WWP1: variants seen among roughly 807,000 people sequenced by gnomAD.
The protein encoded by WWP1 is NEDD4-like E3 ubiquitin-protein ligase WWP1.
A neutral mutation model predicts 130.6 loss-of-function variants in WWP1; 49 were observed. That is an observed-to-expected ratio of 0.38 (90% confidence interval 0.30 to 0.48). The LOEUF is 0.48. WWP1 is among the 20% of genes least tolerant of loss of function. WWP1 has a pLI of 0.99. For synonymous variants in WWP1, 332 were observed against 367.8 expected, an observed-to-expected ratio of 0.90 and a Z score of 1.11; for missense variants, 809 against 1,100.6, an observed-to-expected ratio of 0.74 and a Z score of 3.75.
At chr8:86,400,823 G>C (rs1807934155) in intron 7 of WWP1, among the ~76,000 whole-genome samples, 1 of 152,154 alleles carries the variant, frequency 6.6e-6, no homozygotes, top group African/African-American at 2.4e-5. Flanking sequence ...AGAGAAGATG[G>C]GATAAAGGTG....
intron 18 of WWP1, among the ~76,000 whole-genome samples, chr8:86,445,215 G>A (rs897306469): frequency 6.6e-6 from 1 of 152,130 alleles, no homozygotes; most frequent in Non-Finnish European, 1.5e-5. Flanking sequence ...AGAATCAGGG[G>A]TACATGTGCA....
intron 9 of WWP1, among the ~76,000 whole-genome samples, chr8:86,421,511 G>GA (rs55665368): frequency 0.024 from 3,583 of 151,488 alleles, 146 homozygotes; most frequent in African/African-American, 0.081. Flanking sequence ...TTTTGGGGGG[G>GA]TTCTCCCAGA....
chr8:86,466,744 T>C (rs759037149), intron 24 of WWP1, 50 bp from the exon 25 acceptor site: 3 of 1,271,620 alleles, frequency 2.4e-6, no homozygotes, highest in Non-Finnish European at 3.3e-6. Flanking sequence ...TTCTATTAGA[T>C]TTTTTTCATT....
intron 5 of WWP1, among the ~76,000 whole-genome samples, chr8:86,390,640 G>A (rs1052831107): frequency 9.9e-5 from 15 of 152,026 alleles, no homozygotes; most frequent in African/African-American, 2.2e-4. Context: ...CCGAGATGGC[G>A]GCAGCACAGT....
chr8:86,462,971 A>T (rs1036371783), intron 24 of WWP1, among the ~76,000 whole-genome samples: 4 of 152,280 alleles, frequency 2.6e-5, no homozygotes, highest in African/African-American at 9.6e-5. Flanking sequence ...GCTTGAGTAT[A>T]TGTTTTTTTA....
chr8:86,380,674 C>CAT, intron 3 of WWP1, 52 bp from the exon 4 acceptor site: 1 of 1,537,022 alleles, frequency 6.5e-7, no homozygotes. Context: ...GATTAGTGTG[C>CAT]AGTACTACTT....
Position 86,347,017 on chromosome 8 carries a change from T to C in WWP1, c.-115+4087T>C, listed in dbSNP as rs562971521. 4.9e-4 allele frequency among the ~76,000 whole-genome samples: 74 copies of C among 152,228 alleles called. 1 individual carries two copies. Among genetic ancestry groups the C allele is most frequent in the African/African-American group, 1.7e-3 (72 of 41,538 alleles). On this transcript the variant is annotated intron_variant, in intron 1 of 24. Transcript: ENST00000517970. Reference sequence around the variant, plus strand: ...ATATTTTATTTTATTTTATTTTATTTATTTATTTTTGAGACAGGGTCTTGC... The same window carrying C: ...ATATTTTATTTTATTTTATTTTATTCATTTATTTTTGAGACAGGGTCTTGC...
chr8:86,365,473 A>G (rs1823918222), intron 1 of WWP1, among the ~76,000 whole-genome samples: 1 of 152,186 alleles, frequency 6.6e-6, no homozygotes, highest in Non-Finnish European at 1.5e-5. Flanking sequence ...GTACCTGTAG[A>G]TTCCATGTTT....
Position 86,440,437 on chromosome 8 carries a change from T to C in WWP1, c.1838+1764T>C, listed in dbSNP as rs1037835914. Among the ~76,000 whole-genome samples the C allele has an allele frequency of 5.9e-5, 9 of 152,208 alleles. No individual in the cohort carries two copies. The East Asian group carries it at 1.7e-3, about 29-fold the overall frequency. On this transcript the variant is annotated intron_variant, in intron 17 of 24. Coordinates refer to ENST00000517970, the MANE Select transcript of WWP1 (RefSeq NM_007013.4). ...ATATAAACAACAATTTCACTAGATA[T>C]AAATTTCTCGCACACTTGTTTTTCC...
intron 9 of WWP1, among the ~76,000 whole-genome samples, chr8:86,415,763 GCTT>G (rs1259247991): frequency 2.0e-5 from 3 of 152,100 alleles, no homozygotes; most frequent in Non-Finnish European, 2.9e-5. Flanking sequence ...TTTTGAGTAG[GCTT>G]CTTCTAATCA....
chr8:86,419,004 C>G (rs553901780), intron 9 of WWP1, among the ~76,000 whole-genome samples: 4 of 152,066 alleles, frequency 2.6e-5, no homozygotes, highest in African/African-American at 9.7e-5. Flanking sequence ...ATCCACAAGC[C>G]CCACCCAGGC....
chr8:86,398,682 C>A, intron 7 of WWP1, 44 bp downstream of exon 7: 1 of 1,587,802 alleles, frequency 6.3e-7, no homozygotes, highest in Non-Finnish European at 8.6e-7. Flanking sequence ...TGATGTGGAA[C>A]ATATTTCCTG....
At chr8:86,364,597 G>A (rs1823850163) in intron 1 of WWP1, among the ~76,000 whole-genome samples, 1 of 152,068 alleles carries the variant, frequency 6.6e-6, no homozygotes, top group Non-Finnish European at 1.5e-5. Flanking sequence ...CTTGAGCTAA[G>A]GAGTTCTGGA....
chr8:86,377,773 A>C (rs1824754450), intron 3 of WWP1, among the ~76,000 whole-genome samples: 1 of 152,206 alleles, frequency 6.6e-6, no homozygotes, highest in Admixed American at 6.5e-5. Flanking sequence ...TAGAGTATGC[A>C]AGATGTATAA....
chr8:86,409,574 A>C (rs908542551), intron 8 of WWP1, among the ~76,000 whole-genome samples: 2 of 150,892 alleles, frequency 1.3e-5, no homozygotes, highest in African/African-American at 4.9e-5. Flanking sequence ...AAGTTCTTAC[A>C]ATAGGCTGGG....
At chr8:86,443,824 G>C (rs1400757299) in intron 18 of WWP1, among the ~76,000 whole-genome samples, 1 of 152,130 alleles carries the variant, frequency 6.6e-6, no homozygotes, top group Non-Finnish European at 1.5e-5. Context: ...GCAAGACAAA[G>C]GCTCTAATGT....
intron 21 of WWP1, 115 bp from the exon 22 acceptor site, chr8:86,457,806 C>A (rs1447288065): frequency 3.7e-6 from 3 of 806,792 alleles, no homozygotes; most frequent in Non-Finnish European, 6.0e-6. Context: ...ATATGCCATG[C>A]ATATAGCTTT....
chr8:86,459,023 CTTTTTT>C (rs71275853), intron 22 of WWP1, among the ~76,000 whole-genome samples: 118 of 84,272 alleles, frequency 1.4e-3, no homozygotes, highest in African/African-American at 6.1e-3. Flanking sequence ...TTTCTTTTTT[CTTTTTT>C]TTTTTTTTTT....
At chr8:86,412,350 ATC>A (rs1421093611) in intron 9 of WWP1, among the ~76,000 whole-genome samples, 2 of 152,128 alleles carry the variant, frequency 1.3e-5, no homozygotes, top group Non-Finnish European at 2.9e-5. Flanking sequence ...GTAATTCTTA[ATC>A]TCTTTTAAGT....
Sources: allele counts gnomAD v4.1 joint callset (sites outside exome capture counted in the v4.1 genomes callset), GRCh38; gene constraint gnomAD v4.1.1; transcripts MANE v1.5; gene names NCBI Gene and HGNC (gene_info 2026-07-23, HGNC 2026-07-21).